ZFAT: variants seen among roughly 807,000 people sequenced by gnomAD.
The protein encoded by ZFAT is zinc finger protein ZFAT.
A neutral mutation model predicts 117.7 loss-of-function variants in ZFAT; 64 were observed. The ratio of observed to expected loss-of-function variants is 0.54; its 90% CI spans 0.44 to 0.67. ZFAT has a LOEUF of 0.67. Among genes scored for constraint, ZFAT ranks in the 30% least tolerant of loss-of-function variants. The pLI is 0.00. For synonymous variants in ZFAT, 679 were observed against 615.0 expected (o/e 1.10, Z -1.54); for missense variants, 1,433 against 1,584.5 (o/e 0.90, Z 1.62).
At chr8:134,491,221 G>A (rs1818035407) in intron 15 of ZFAT, among the ~76,000 whole-genome samples, 2 of 152,234 alleles carry the variant, frequency 1.3e-5, no homozygotes, top group Admixed American at 6.5e-5. Context: ...TACAACTTCT[G>A]TTTCCAGCAA....
At chr8:134,599,586 C>T in intron 7 of ZFAT, 1 of 360,272 alleles carries the variant, frequency 2.8e-6, no homozygotes, top group Non-Finnish European at 5.4e-6. Flanking sequence ...ACCTACTCAC[C>T]ACACCCAAAC....
At chr8:134,654,629 T>G (rs1831481328) in intron 2 of ZFAT, among the ~76,000 whole-genome samples, 1 of 151,910 alleles carries the variant, frequency 6.6e-6, no homozygotes, top group Non-Finnish European at 1.5e-5. Flanking sequence ...GTCAGATGAG[T>G]TTGAGGAGCC....
At chr8:134,607,063 T>C (rs905486545) in intron 5 of ZFAT, among the ~76,000 whole-genome samples, 2 of 152,218 alleles carry the variant, frequency 1.3e-5, no homozygotes, top group African/African-American at 2.4e-5. Context: ...AAAATATTAA[T>C]AGAATGCATG....
chr8:134,725,725 A>G, the ZFAT span, among the ~76,000 whole-genome samples: 1 of 151,796 alleles, frequency 6.6e-6, no homozygotes, highest in Non-Finnish European at 1.5e-5. Context: ...AAGCAACTAG[A>G]TAGGAGTTAA....
intron 6 of ZFAT, 151 bp downstream of exon 6, chr8:134,601,326 C>T: frequency 8.3e-7 from 1 of 1,202,416 alleles, no homozygotes; most frequent in Non-Finnish European, 1.1e-6. Context: ...CGCTAACGGC[C>T]ACACAGGGTC....
At chr8:134,579,525 G>C (rs1431589069) in intron 10 of ZFAT, among the ~76,000 whole-genome samples, 5 of 151,998 alleles carry the variant, frequency 3.3e-5, no homozygotes, top group Non-Finnish European at 7.4e-5. Context: ...TCTCCCACTG[G>C]GTCCCTCCCA....
the ZFAT span, among the ~76,000 whole-genome samples, chr8:134,776,109 A>G: frequency 6.6e-6 from 1 of 152,178 alleles, no homozygotes; most frequent in African/African-American, 2.4e-5. Context: ...CTTAAATAGA[A>G]ACAGAAGATC....
Position 134,712,895 on chromosome 8 carries a change from C to T in ZFAT, c.-32G>A, listed in dbSNP as rs1464543919. 4.0e-6 allele frequency: 6 copies of T among 1,505,704 alleles called. No individual in the cohort carries two copies. Among genetic ancestry groups the T allele is most frequent in the Admixed American group, 2.2e-5 (1 of 45,576 alleles). 93.3% of individuals were successfully genotyped at this position (1,505,704 alleles called of 1,614,324 possible). A position where few individuals can be genotyped will look rare whatever the true frequency, so the allele number is the denominator to read the frequency against. On this transcript the variant is annotated 5_prime_UTR_variant, in exon 1 of 16. Transcript: ENST00000377838. ...GCCCCACCGCGGAGGAAAAAAAAGCCTCGGGCTCTTCCGGGCCCCCTCCCG... is the reference window on the plus strand; with the variant it reads ...GCCCCACCGCGGAGGAAAAAAAAGCTTCGGGCTCTTCCGGGCCCCCTCCCG...
At chr8:134,789,877 C>A in the ZFAT span, among the ~76,000 whole-genome samples, 40 of 152,280 alleles carry the variant, frequency 2.6e-4, no homozygotes, top group East Asian at 7.3e-3. Context: ...CATGGAAATA[C>A]TCCAGTATAC....
At chr8:134,499,198 G>T (rs371132610) in intron 15 of ZFAT, among the ~76,000 whole-genome samples, 2 of 135,532 alleles carry the variant, frequency 1.5e-5, no homozygotes, top group Admixed American at 7.8e-5. Context: ...AGCCTGATTT[G>T]GGAGGGTTGG....
chr8:134,651,833 T>A (rs1321409260), intron 2 of ZFAT, among the ~76,000 whole-genome samples: 1 of 152,126 alleles, frequency 6.6e-6, no homozygotes, highest in East Asian at 1.9e-4. Flanking sequence ...CCTACCTGGA[T>A]GCATCACAGT....
At position 134,520,141 on chromosome 8, in the gene ZFAT, G is replaced by T. The variant is rs150886617; in HGVS notation, c.3234+742C>A. On this transcript the variant is annotated intron_variant, in intron 13 of 15. Coordinates refer to ENST00000377838, the MANE Select transcript of ZFAT (RefSeq NM_020863.4). ...TTACCCCCAGGAAACACTGAACATT[G>T]GTAATGTCTGGAGACATTTTTGGGT... 1.5e-3 allele frequency among the ~76,000 whole-genome samples: 233 copies of T among 152,284 alleles called. 1 individual carries two copies. Among genetic ancestry groups the T allele is most frequent in the African/African-American group, 5.3e-3 (220 of 41,554 alleles).
intron 1 of ZFAT, among the ~76,000 whole-genome samples, chr8:134,664,413 A>G (rs113690647): frequency 0.015 from 2,243 of 152,336 alleles, 47 homozygotes; most frequent in African/African-American, 0.051. Context: ...TCTTGGACAC[A>G]GGGCTGGCCC....
intron 13 of ZFAT, among the ~76,000 whole-genome samples, chr8:134,519,929 C>T (rs555835075): frequency 1.9e-4 from 29 of 152,262 alleles, no homozygotes; most frequent in Middle Eastern, 3.4e-3. Context: ...ATGAAGGTGA[C>T]TGTTTCATAT....
At chr8:134,481,950 C>T (rs1488834936) in intron 15 of ZFAT, among the ~76,000 whole-genome samples, 1 of 152,232 alleles carries the variant, frequency 6.6e-6, no homozygotes, top group Non-Finnish European at 1.5e-5. Context: ...CCGGCCACCT[C>T]CCAGTCACCA....
chr8:134,571,228 T>C (rs1000769414), intron 10 of ZFAT, among the ~76,000 whole-genome samples: 3 of 152,124 alleles, frequency 2.0e-5, no homozygotes, highest in African/African-American at 7.2e-5. Flanking sequence ...GGAGCCATGG[T>C]GGAGCATGAG....
At chr8:134,585,870 T>C (rs768458222) in intron 9 of ZFAT, among the ~76,000 whole-genome samples, 1 of 152,246 alleles carries the variant, frequency 6.6e-6, no homozygotes. Flanking sequence ...TTGAACAAAG[T>C]TGCAGGTCCT....
intron 11 of ZFAT, among the ~76,000 whole-genome samples, chr8:134,548,705 G>A (rs1019219949): frequency 2.0e-5 from 3 of 149,036 alleles, no homozygotes; most frequent in Non-Finnish European, 4.5e-5. Flanking sequence ...GAAAATCACT[G>A]CATACTGTGT....
the ZFAT span, among the ~76,000 whole-genome samples, chr8:134,749,925 C>T: frequency 2.6e-5 from 4 of 152,248 alleles, no homozygotes; most frequent in South Asian, 2.1e-4. Flanking sequence ...ATCTTGATAA[C>T]TAAAATACTG....
Sources: allele counts gnomAD v4.1 joint callset (sites outside exome capture counted in the v4.1 genomes callset), GRCh38; gene constraint gnomAD v4.1.1; transcripts MANE v1.5; gene names NCBI Gene and HGNC (gene_info 2026-07-23, HGNC 2026-07-21).